Variants in ARHGAP19 observed in about 807,000 individuals in gnomAD.
ARHGAP19 encodes the protein rho GTPase-activating protein 19.
ARHGAP19 carries 48 observed loss-of-function variants against 60.9 expected under a neutral mutation model. The ratio of observed to expected loss-of-function variants is 0.79; its 90% CI spans 0.62 to 1.00. The LOEUF (loss-of-function observed/expected upper bound fraction) is 1.00, where lower values mean the gene tolerates loss of function less well. Among genes scored for constraint, ARHGAP19 ranks in the 50% least tolerant of loss-of-function variants. The probability of loss-of-function intolerance (pLI) is 0.00; values close to 1 mark genes in which losing one functional copy is unlikely to be tolerated. For missense variants in ARHGAP19, 562 were observed against 597.2 expected, an observed-to-expected ratio of 0.94 and a Z score of 0.61; for synonymous variants, 209 against 215.5, an observed-to-expected ratio of 0.97 and a Z score of 0.27.
intron 8 of ARHGAP19, among the ~76,000 whole-genome samples, chr10:97,235,631 T>C (rs1246824081): frequency 6.6e-6 from 1 of 152,144 alleles, no homozygotes; most frequent in Admixed American, 6.5e-5. Flanking sequence ...CAAGACTTTT[T>C]TGCAACAAAG....
chr10:97,246,776 G>T (rs1842569534), intron 6 of ARHGAP19, among the ~76,000 whole-genome samples: 2 of 152,136 alleles, frequency 1.3e-5, no homozygotes, highest in South Asian at 4.1e-4. Context: ...AGAAGCAGGA[G>T]GATGGCTTCA....
rs11189042 is a variant in ARHGAP19 at position 97,224,820 on chromosome 10, C to G, written c.*1302G>C. The G allele has an allele frequency of 0.03, 4,641 of 152,460 alleles. 227 individuals carry two copies. Among genetic ancestry groups the G allele is most frequent in the African/African-American group, 0.1 (4,217 of 41,534 alleles). The allele number at this position is 152,460 out of a possible 1,614,324, so 9.4% of individuals were successfully genotyped here. ...GACACCAGTTCATACTAGGTCAAAGCCATGCCACTGCTCTATCCAACACAA... is the reference window on the plus strand; with the variant it reads ...GACACCAGTTCATACTAGGTCAAAGGCATGCCACTGCTCTATCCAACACAA... On this transcript the variant is annotated 3_prime_UTR_variant, in exon 12 of 12. Transcript: ENST00000358531.
intron 1 of ARHGAP19, among the ~76,000 whole-genome samples, chr10:97,290,994 C>G (rs1262150194): frequency 6.6e-6 from 1 of 152,156 alleles, no homozygotes; most frequent in Admixed American, 6.5e-5. Context: ...CTGAGCCTAG[C>G]TGGGAATGTG....
chr10:97,255,651 TG>T (rs964805350), intron 6 of ARHGAP19, among the ~76,000 whole-genome samples: 97 of 152,306 alleles, frequency 6.4e-4, no homozygotes, highest in African/African-American at 2.2e-3. Context: ...AGGATGTGAC[TG>T]TGCTACGTTT....
chr10:97,251,269 T>A (rs190109520), intron 6 of ARHGAP19, among the ~76,000 whole-genome samples: 5 of 4,506 alleles, frequency 1.1e-3, no homozygotes, highest in Admixed American at 3.3e-3. Context: ...GGGAAGGGAA[T>A]GGGAAGGGAA....
Position 97,266,021 on chromosome 10 carries a change from G to A in ARHGAP19, c.161C>T (p.Pro54Leu). The A allele has an allele frequency of 6.2e-7, 1 of 1,614,170 alleles. No homozygotes were observed. The highest frequency in any genetic ancestry group is 1.1e-5 in the South Asian group (1 of 91,074). Residue 54 changes from proline to leucine, a missense_variant, in exon 2 of 12, where the codon CCT (proline) becomes CTT (leucine). By Grantham distance (98) the Pro-to-Leu change is moderately conservative. Transcript: ENST00000358531. ...FFVEKLRHEK[P>L]EIFTELVVSN... ...GACCACCAACTCAGTGAAAATCTCA[G>A]GTTTCTCATGTCGGAGTTTCTCCAC...
intron 1 of ARHGAP19, among the ~76,000 whole-genome samples, chr10:97,292,098 G>A (rs1197115405): frequency 6.8e-6 from 1 of 146,370 alleles, no homozygotes. Context: ...CTTTGCAGAT[G>A]AAGAAACTGA....
chr10:97,272,575 T>A (rs572647400), intron 1 of ARHGAP19, among the ~76,000 whole-genome samples: 153 of 152,348 alleles, frequency 1.0e-3, no homozygotes, highest in African/African-American at 3.5e-3. Context: ...TATTTTGTGT[T>A]ATGGGACTAC....
intron 9 of ARHGAP19, among the ~76,000 whole-genome samples, chr10:97,232,154 ATTTTTTTTTTTT>A (rs1170639718): frequency 3.6e-5 from 2 of 56,302 alleles, no homozygotes; most frequent in African/African-American, 8.0e-5. Context: ...TTTGCTCACT[ATTTTTTTTTTTT>A]TTTTTTTTTT....
chr10:97,289,678 AAC>A (rs1301609147), intron 1 of ARHGAP19, among the ~76,000 whole-genome samples: 18 of 152,006 alleles, frequency 1.2e-4, no homozygotes, highest in Admixed American at 5.2e-4. Context: ...TCTACAAAAA[AAC>A]AAAACAACAA....
Position 97,264,340 on chromosome 10 carries a change from T to C in ARHGAP19, c.403+486A>G, listed in dbSNP as rs1040889669. On this transcript the variant is annotated intron_variant, in intron 3 of 11. Transcript: ENST00000358531. ...TGGTGGTGCAAGCTTGTGATCCCAG[T>C]TACTAGGGAGGCCAAGGTGGGAGAA... Among the ~76,000 whole-genome samples the C allele has an allele frequency of 6.6e-5, 10 of 151,822 alleles. 1 individual carries two copies. The highest frequency in any genetic ancestry group is 4.6e-4 in the Admixed American group (7 of 15,234).
intron 2 of ARHGAP19, chr10:97,265,610 T>G (rs1842887963): frequency 4.3e-6 from 2 of 467,840 alleles, no homozygotes; most frequent in Admixed American, 7.8e-5. Context: ...GATGCCCCGA[T>G]GACTACCTAA....
intron 8 of ARHGAP19, among the ~76,000 whole-genome samples, chr10:97,243,443 C>G (rs1364142441): frequency 6.6e-6 from 1 of 152,168 alleles, no homozygotes; most frequent in Non-Finnish European, 1.5e-5. Flanking sequence ...CAAACTTAGC[C>G]ACCAGAATTC....
intron 1 of ARHGAP19, among the ~76,000 whole-genome samples, chr10:97,280,514 T>G (rs1843070141): frequency 6.6e-6 from 1 of 152,030 alleles, no homozygotes; most frequent in South Asian, 2.1e-4. Context: ...GTCTCTTTCT[T>G]ACCATTTATC....
intron 1 of ARHGAP19, among the ~76,000 whole-genome samples, chr10:97,283,554 A>G (rs1233833723): frequency 6.9e-6 from 1 of 144,894 alleles, no homozygotes; most frequent in East Asian, 2.0e-4. Flanking sequence ...ACTCTGTCTC[A>G]AAAAAAAAAA....
At chr10:97,262,258 C>A (rs1223228825) in intron 4 of ARHGAP19, among the ~76,000 whole-genome samples, 1 of 150,450 alleles carries the variant, frequency 6.6e-6, no homozygotes, top group Middle Eastern at 3.2e-3. Context: ...ACTGGGTGAA[C>A]TGGGTGTTGG....
chr10:97,236,251 A>G (rs1246135439), intron 8 of ARHGAP19, among the ~76,000 whole-genome samples: 1 of 152,192 alleles, frequency 6.6e-6, no homozygotes, highest in African/African-American at 2.4e-5. Flanking sequence ...TGCTAGGATT[A>G]CAGGCGTGAG....
chr10:97,228,398 T>C (rs144641202), intron 11 of ARHGAP19, among the ~76,000 whole-genome samples: 9 of 152,348 alleles, frequency 5.9e-5, no homozygotes, highest in Admixed American at 2.6e-4. Context: ...GACAATGTGC[T>C]GCCAAAACAT....
rs35980234 is a variant in ARHGAP19, at chr10:97,272,131, CTT to C, written c.57-6008_57-6007del. ...TTATACACTTAGGTGGGAAATATGT[CTT>C]TTTTTTTTTTTTTTTTTTTTCAGAC... On this transcript the variant is annotated intron_variant, in intron 1 of 11. Coordinates refer to ENST00000358531, the MANE Select transcript of ARHGAP19 (RefSeq NM_032900.6). Among the ~76,000 whole-genome samples, 20 of 85,646 alleles carry C rather than the reference CTT, an allele frequency of 2.3e-4. 1 individual carries two copies. Among genetic ancestry groups the C allele is most frequent in the Admixed American group, 6.9e-4 (4 of 5,800 alleles). The allele number at this position is 85,646 out of a possible 152,430, so 56.2% of individuals were successfully genotyped here.
Sources: gnomAD v4.1 joint callset for allele counts (sites outside exome capture counted in the v4.1 genomes callset) on GRCh38, gnomAD v4.1.1 for gene constraint, MANE v1.5 for transcripts, NCBI Gene and HGNC (gene_info 2026-07-23, HGNC 2026-07-21) for gene names.